Variants in PRDM11 observed in about 807,000 individuals in gnomAD.
PRDM11 encodes the protein PR/SET domain 11, also known as PR domain-containing protein 11.
PRDM11 carries 20 observed loss-of-function variants against 97.8 expected under a neutral mutation model. That is an observed-to-expected ratio of 0.20 (90% CI 0.14 to 0.30). The LOEUF (loss-of-function observed/expected upper bound fraction) is 0.30. Among genes scored for constraint, PRDM11 ranks in the 10% least tolerant of loss-of-function variants. The pLI, the probability that PRDM11 is intolerant of heterozygous loss-of-function variation, is 1.00. For synonymous variants in PRDM11, 599 were observed against 637.7 expected (o/e 0.94, Z 0.91); for missense variants, 1,139 against 1,555.2 (o/e 0.73, Z 4.50).
At chr11:45,155,924 A>G (rs1160352442) in intron 1 of PRDM11, among the ~76,000 whole-genome samples, 1 of 152,114 alleles carries the variant, frequency 6.6e-6, no homozygotes, top group Non-Finnish European at 1.5e-5. Flanking sequence ...TAGCTGTCCC[A>G]TGATGCTAGT....
chr11:45,183,200 G>T (rs1852580557), intron 4 of PRDM11, 77 bp downstream of exon 4: 8 of 1,485,880 alleles, frequency 5.4e-6, no homozygotes, highest in South Asian at 1.4e-5. Context: ...AGCCATACTG[G>T]CCCAGCTTGG....
intron 4 of PRDM11, among the ~76,000 whole-genome samples, chr11:45,204,345 T>C (rs1011366198): frequency 3.3e-5 from 5 of 152,182 alleles, no homozygotes; most frequent in African/African-American, 1.2e-4. Context: ...TTAGCCTTTG[T>C]AGTTGCAGTG....
intron 6 of PRDM11, 133 bp from the exon 7 acceptor site, chr11:45,224,084 C>A: frequency 9.2e-7 from 1 of 1,085,164 alleles, no homozygotes; most frequent in Non-Finnish European, 1.3e-6. Flanking sequence ...CTCCCCTTTG[C>A]AACACTTGCC....
intron 5 of PRDM11, among the ~76,000 whole-genome samples, chr11:45,216,885 G>T (rs960831190): frequency 2.6e-5 from 4 of 152,172 alleles, no homozygotes; most frequent in African/African-American, 9.7e-5. Context: ...ATCCCAGATA[G>T]GAATGTATTT....
chr11:45,212,517 T>A, intron 5 of PRDM11: 1 of 450,262 alleles, frequency 2.2e-6, no homozygotes, highest in Non-Finnish European at 4.5e-6. Context: ...CCTCTTCGGG[T>A]GCCTCTGCAG....
intron 1 of PRDM11, among the ~76,000 whole-genome samples, chr11:45,178,855 C>A (rs941973748): frequency 2.0e-5 from 3 of 152,202 alleles, no homozygotes; most frequent in African/African-American, 7.2e-5. Flanking sequence ...CAGGTGCTGG[C>A]AGTTCAATGG....
At position 45,136,989 on chromosome 11, in the gene PRDM11, CA is replaced by C. The variant is rs759854361; in HGVS notation, c.96+41103del. The stretch of plus-strand genomic sequence containing the variant: ...GAAACCCCTATCTCTACTAAAAATA[CA>C]AAAAAAAAAAAAAAGAAAAAAAATT... On this transcript the variant is annotated intron_variant, in intron 1 of 6. Coordinates refer to the PRDM11 transcript ENST00000530656. Among the ~76,000 whole-genome samples the C allele has an allele frequency of 8.6e-3, 949 of 110,020 alleles. 10 individuals are homozygous for C. Among genetic ancestry groups the C allele is most frequent in the African/African-American group, 0.023 (782 of 33,670 alleles). 72.2% of individuals were successfully genotyped at this position (110,020 alleles called of 152,430 possible). A position where few individuals can be genotyped will look rare whatever the true frequency, so the allele number is the denominator to read the frequency against.
chr11:45,127,398 G>A (rs1446070393), intron 1 of PRDM11, among the ~76,000 whole-genome samples: 1 of 152,228 alleles, frequency 6.6e-6, no homozygotes, highest in African/African-American at 2.4e-5. Context: ...TTCCTTTGGA[G>A]GAGGAGAGGC....
intron 4 of PRDM11, among the ~76,000 whole-genome samples, chr11:45,199,081 T>G (rs1233733819): frequency 1.3e-5 from 2 of 152,226 alleles, no homozygotes; most frequent in Admixed American, 1.3e-4. Context: ...TCTTTATTAA[T>G]TATTACCATG....
chr11:45,193,686 G>A (rs1278580234), intron 4 of PRDM11, among the ~76,000 whole-genome samples: 1 of 152,128 alleles, frequency 6.6e-6, no homozygotes, highest in Non-Finnish European at 1.5e-5. Context: ...GCAGAAACAG[G>A]TGGTGGGCTG....
intron 3 of PRDM11, 48 bp downstream of exon 3, chr11:45,182,397 GC>G: frequency 6.6e-7 from 1 of 1,518,302 alleles, no homozygotes; most frequent in Non-Finnish European, 9.1e-7. Flanking sequence ...CACCCCCATC[GC>G]CCCATTCCTG....
intron 1 of PRDM11, among the ~76,000 whole-genome samples, chr11:45,121,616 A>G (rs1316174547): frequency 6.6e-6 from 1 of 152,196 alleles, no homozygotes; most frequent in Non-Finnish European, 1.5e-5. Flanking sequence ...TATATACAAC[A>G]TTATATTGAA....
chr11:45,173,920 G>A (rs1241797434), intron 1 of PRDM11, among the ~76,000 whole-genome samples: 1 of 152,176 alleles, frequency 6.6e-6, no homozygotes, highest in Non-Finnish European at 1.5e-5. Context: ...TCAGAAAAGT[G>A]CACATATTGT....
chr11:45,128,171 G>C (rs1852625985), intron 1 of PRDM11, among the ~76,000 whole-genome samples: 3 of 152,340 alleles, frequency 2.0e-5, no homozygotes, highest in Middle Eastern at 3.4e-3. Context: ...ATAATCTCCT[G>C]GTGTGCCGTT....
At chr11:45,123,615 T>C (rs1245463773) in intron 1 of PRDM11, among the ~76,000 whole-genome samples, 4 of 152,200 alleles carry the variant, frequency 2.6e-5, no homozygotes, top group South Asian at 2.1e-4. Flanking sequence ...CTTTCCCCAT[T>C]GCTTGTTTTT....
Position 45,228,187 on chromosome 11 carries a change from C to T in PRDM11, c.*28C>T. Reference sequence around the variant, plus strand: ...AGCTGGCGCTGCAGAGTTCACTAAGCTGTTGAATATTTTTTTAATCTATAC... The same window carrying T: ...AGCTGGCGCTGCAGAGTTCACTAAGTTGTTGAATATTTTTTTAATCTATAC... On this transcript the variant is annotated 3_prime_UTR_variant, in exon 8 of 8. Transcript: ENST00000683152. 6.9e-7 allele frequency: 1 copy of T among 1,441,482 alleles called. No homozygotes were observed. Among genetic ancestry groups the T allele is most frequent in the Non-Finnish European group, 9.1e-7 (1 of 1,104,136 alleles). 89.3% of individuals were successfully genotyped at this position (1,441,482 alleles called of 1,614,324 possible).
At chr11:45,122,133 G>T (rs773901985) in intron 1 of PRDM11, among the ~76,000 whole-genome samples, 18 of 150,450 alleles carry the variant, frequency 1.2e-4, no homozygotes, top group Non-Finnish European at 2.5e-4. Flanking sequence ...TAAAAGTTAG[G>T]CCTTTAAATA....
intron 1 of PRDM11, among the ~76,000 whole-genome samples, chr11:45,141,043 T>A (rs529129934): frequency 6.6e-6 from 1 of 152,314 alleles, no homozygotes; most frequent in East Asian, 1.9e-4. Context: ...TCAACCTCTT[T>A]GATTTTACCA....
intron 1 of PRDM11, among the ~76,000 whole-genome samples, chr11:45,137,167 A>G (rs1222060494): frequency 6.7e-6 from 1 of 148,290 alleles, no homozygotes; most frequent in East Asian, 2.0e-4. Flanking sequence ...TGTCTCAAAA[A>G]CAAACAAACA....
Sources: allele counts gnomAD v4.1 joint callset (sites outside exome capture counted in the v4.1 genomes callset), GRCh38; gene constraint gnomAD v4.1.1; transcripts MANE v1.5; gene names NCBI Gene and HGNC (gene_info 2026-07-23, HGNC 2026-07-21).